Variants in ASXL3 observed in about 807,000 individuals in gnomAD.
ASXL3 encodes ASXL transcriptional regulator 3, also known as putative Polycomb group protein ASXL3.
Under a neutral mutation model 170.6 loss-of-function variants are expected in ASXL3, and 34 were observed. That is an observed-to-expected ratio of 0.20 (90% CI 0.15 to 0.27). ASXL3 has a LOEUF of 0.27. Among genes scored for constraint, ASXL3 ranks in the 10% least tolerant of loss-of-function variants. ASXL3 has a pLI of 1.00. For missense variants in ASXL3, 2,592 were observed against 2,695.3 expected, an observed-to-expected ratio of 0.96 and a Z score of 0.85; for synonymous variants, 1,002 against 989.1, an observed-to-expected ratio of 1.01 and a Z score of -0.24.
chr18:33,674,431 A>G (rs1168868801), intron 7 of ASXL3, among the ~76,000 whole-genome samples: 3 of 152,204 alleles, frequency 2.0e-5, no homozygotes, highest in Non-Finnish European at 2.9e-5. Flanking sequence ...ATAAACTGCA[A>G]GTGTTTACTG....
At chr18:33,630,602 A>G (rs907742987) in intron 2 of ASXL3, among the ~76,000 whole-genome samples, 4 of 151,956 alleles carry the variant, frequency 2.6e-5, no homozygotes, top group Non-Finnish European at 5.9e-5. Flanking sequence ...ATTTTTAGAC[A>G]TTTCCTTTAT....
chr18:33,678,149 A>C (rs1266913648), intron 7 of ASXL3, among the ~76,000 whole-genome samples: 1 of 151,866 alleles, frequency 6.6e-6, no homozygotes, highest in Non-Finnish European at 1.5e-5. Context: ...GCTAGTCTGG[A>C]TCTCCTGGCC....
chr18:33,685,315 C>T (rs2145289871), intron 8 of ASXL3, among the ~76,000 whole-genome samples: 2 of 152,272 alleles, frequency 1.3e-5, no homozygotes, highest in East Asian at 3.9e-4. Flanking sequence ...CCTCATTCTC[C>T]TTCACCACCT....
At chr18:33,707,288 A>G (rs1401773675) in intron 8 of ASXL3, among the ~76,000 whole-genome samples, 1 of 151,928 alleles carries the variant, frequency 6.6e-6, no homozygotes, top group Non-Finnish European at 1.5e-5. Flanking sequence ...ATTGCATCTA[A>G]TATATAGAAC....
In ASXL3 at chr18:33,745,119, C is replaced by G. The variant is rs2067755208; in HGVS notation, c.5271C>G (p.Asn1757Lys). ...TGGTGACGCAGTTACTACAGGGCAA[C>G]CTGCCTTTGGAAAAAGTGTTGCCAC... is the stretch of plus-strand genomic sequence containing the variant. ...NPLVTQLLQGNLPLEKVLPQP... is the reference protein window; with the variant it reads ...NPLVTQLLQGKLPLEKVLPQP... The change falls in exon 12 of 12, where the codon AAC becomes AAG. Residue 1757 changes from asparagine to lysine, a missense_variant. Coordinates refer to ENST00000269197, the MANE Select transcript of ASXL3 (RefSeq NM_030632.3). 1 of 1,614,012 alleles carries G rather than the reference C, an allele frequency of 6.2e-7. No individual in the cohort carries two copies. Among genetic ancestry groups the G allele is most frequent in the South Asian group, 1.1e-5 (1 of 91,088 alleles).
chr18:33,670,173 T>G (rs2066317331), intron 5 of ASXL3, among the ~76,000 whole-genome samples: 1 of 152,214 alleles, frequency 6.6e-6, no homozygotes, highest in African/African-American at 2.4e-5. Context: ...TTTTGTGCAG[T>G]GCTCCCCATG....
rs566012660 is a variant in ASXL3, at chr18:33,630,293, A to G, written c.138-14601A>G. ...AAGTTTGTTTTTACTTCATAATTCT[A>G]TCTGCATTTTACATATATATATTTC... is the stretch of plus-strand genomic sequence containing the variant. On this transcript the variant is annotated intron_variant, in intron 2 of 11. Transcript: ENST00000269197. Among the ~76,000 whole-genome samples, 39 of 151,948 alleles carry G rather than the reference A, an allele frequency of 2.6e-4. 1 individual carries two copies. Among genetic ancestry groups the G allele is most frequent in the South Asian group, 4.2e-4 (2 of 4,816 alleles).
intron 4 of ASXL3, among the ~76,000 whole-genome samples, chr18:33,655,072 T>C (rs960981218): frequency 3.9e-5 from 6 of 152,062 alleles, no homozygotes; most frequent in African/African-American, 1.4e-4. Context: ...GCCATTGTAA[T>C]GAGGTGATGG....
chr18:33,614,907 A>G (rs893519149), intron 2 of ASXL3: 11 of 151,976 alleles, frequency 7.2e-5, no homozygotes, highest in African/African-American at 2.7e-4. Flanking sequence ...GGTGTCATGC[A>G]TGCTTTGTTT....
intron 8 of ASXL3, chr18:33,683,793 G>GA (rs1194339484): frequency 2.6e-6 from 1 of 383,822 alleles, no homozygotes; most frequent in Non-Finnish European, 4.5e-6. Context: ...GTGGTAGAGT[G>GA]AAAACTATAA....
chr18:33,683,760 C>A, intron 8 of ASXL3, 192 bp downstream of exon 8: 1 of 524,374 alleles, frequency 1.9e-6, no homozygotes, highest in Non-Finnish European at 3.1e-6. Context: ...TGAGCCAATT[C>A]AAATTTTAAA....
chr18:33,746,933 C>T lies in ASXL3; in HGVS notation c.*338C>T, dbSNP rs75389654. ...AGGACATTTTTAATTACTTAATAAC[C>T]GGAAATGCAGATGTGTAAGGAGAAT... On this transcript the variant is annotated 3_prime_UTR_variant, in exon 12 of 12. Coordinates refer to ENST00000269197, the MANE Select transcript of ASXL3 (RefSeq NM_030632.3). 2.5e-5 allele frequency: 5 copies of T among 201,326 alleles called. No homozygotes were observed. Among genetic ancestry groups the T allele is most frequent in the Non-Finnish European group, 4.0e-5 (4 of 100,858 alleles). The allele number at this position is 201,326 out of a possible 1,614,324, so 12.5% of individuals were successfully genotyped here.
intron 2 of ASXL3, among the ~76,000 whole-genome samples, chr18:33,608,697 A>G (rs1193588744): frequency 6.6e-6 from 1 of 152,038 alleles, no homozygotes; most frequent in East Asian, 1.9e-4. Context: ...TTGAGCATAC[A>G]GTAGTTGCAA....
chr18:33,596,821 A>AT (rs1439555166), intron 1 of ASXL3, among the ~76,000 whole-genome samples: 14 of 151,962 alleles, frequency 9.2e-5, no homozygotes, highest in Non-Finnish European at 1.9e-4. Flanking sequence ...TCATTCATTC[A>AT]TTTACTCATT....
rs772559746 is a variant in ASXL3, at chr18:33,743,231, G to A, written c.3383G>A (p.Arg1128Gln). 5.6e-6 allele frequency: 9 copies of A among 1,613,852 alleles called. No individual in the cohort carries two copies. The highest frequency in any genetic ancestry group is 3.3e-5 in the Admixed American group (2 of 60,010). The change falls in exon 12 of 12, where the codon CGG (arginine) becomes CAG (glutamine). Residue 1128 changes from arginine to glutamine, a missense_variant. Arg to Gln is a conservative substitution (Grantham distance 43). This residue lies in a region of ASXL3 where 2,246 missense variants were observed against 2,219.6 expected (regional missense o/e 1.01). Coordinates refer to ENST00000269197, the MANE Select transcript of ASXL3 (RefSeq NM_030632.3). ...CTCTTCCAGACCTCTAAAGAGACCC[G>A]GTTGCCTCCTCCGCTCAGCTCAAAG... Reference protein sequence around the residue: ...AHLFQTSKETRLPPPLSSKEG... With the variant: ...AHLFQTSKETQLPPPLSSKEG...
At position 33,747,758 on chromosome 18, in the gene ASXL3, G is replaced by T. The variant is rs1385284448; in HGVS notation, c.*1163G>T. ...CCTTATTTTGAAAAAAACTGTTCTA[G>T]GTATGGCATGTTTTGTTTTTTCCCT... On this transcript the variant is annotated 3_prime_UTR_variant, in exon 12 of 12. Coordinates refer to ENST00000269197, the MANE Select transcript of ASXL3 (RefSeq NM_030632.3). 1.3e-5 allele frequency: 2 copies of T among 152,136 alleles called. No homozygotes were observed. Among genetic ancestry groups the T allele is most frequent in the African/African-American group, 4.8e-5 (2 of 41,424 alleles). The allele number at this position is 152,136 out of a possible 1,614,324, so 9.4% of individuals were successfully genotyped here.
At chr18:33,604,344 G>C (rs1167408994) in intron 1 of ASXL3, among the ~76,000 whole-genome samples, 1 of 151,818 alleles carries the variant, frequency 6.6e-6, no homozygotes. Flanking sequence ...TAAAATAATA[G>C]AAAGCTTATT....
chr18:33,731,067 T>G (rs921482612), intron 8 of ASXL3, among the ~76,000 whole-genome samples: 8 of 152,192 alleles, frequency 5.3e-5, no homozygotes, highest in Non-Finnish European at 1.0e-4. Flanking sequence ...ATAATATACT[T>G]GTTCTTTATG....
intron 8 of ASXL3, among the ~76,000 whole-genome samples, chr18:33,723,828 T>A (rs1047127263): frequency 1.3e-5 from 2 of 152,126 alleles, no homozygotes; most frequent in African/African-American, 4.8e-5. Context: ...TAAGCAATTA[T>A]CATAGCCATT....
Sources: allele counts gnomAD v4.1 joint callset (sites outside exome capture counted in the v4.1 genomes callset), GRCh38; gene constraint gnomAD v4.1.1; regional missense constraint gnomAD v4.1.1; transcripts MANE v1.5; gene names NCBI Gene and HGNC (gene_info 2026-07-23, HGNC 2026-07-21).